The following KIF21A variants were observed in gnomAD, a reference collection of about 807,000 sequenced individuals.
The protein encoded by KIF21A is kinesin-like protein KIF21A.
In KIF21A, 114 loss-of-function variants were observed where a neutral mutation model predicts 202.9. The ratio of observed to expected loss-of-function variants is 0.56; its 90% CI spans 0.48 to 0.66. KIF21A has a LOEUF of 0.66. Ranked by LOEUF, KIF21A falls within the 30% of genes least tolerant of loss-of-function variation. The pLI is 0.00. For synonymous variants in KIF21A, 667 were observed against 670.8 expected (o/e 0.99, Z 0.09); for missense variants, 1,677 against 1,994.9 (o/e 0.84, Z 3.04).
At chr12:39,404,676 G>C (rs1952443261) in intron 1 of KIF21A, among the ~76,000 whole-genome samples, 1 of 152,110 alleles carries the variant, frequency 6.6e-6, no homozygotes, top group Non-Finnish European at 1.5e-5. Context: ...CATTATATAG[G>C]TAGCAATGTA....
chr12:39,344,600 G>A (rs1947733118), intron 12 of KIF21A, among the ~76,000 whole-genome samples: 1 of 152,112 alleles, frequency 6.6e-6, no homozygotes, highest in African/African-American at 2.4e-5. Flanking sequence ...CTGATATCCA[G>A]TTAAATGTTC....
chr12:39,295,125 G>A (rs1388516893), intron 37 of KIF21A, among the ~76,000 whole-genome samples: 1 of 152,112 alleles, frequency 6.6e-6, no homozygotes, highest in Non-Finnish European at 1.5e-5. Context: ...ATTGAGAAGT[G>A]AACTAATACT....
intron 1 of KIF21A, among the ~76,000 whole-genome samples, chr12:39,413,573 A>G (rs954327113): frequency 4.6e-5 from 7 of 152,194 alleles, no homozygotes; most frequent in Non-Finnish European, 2.9e-5. Flanking sequence ...CACTAATTCA[A>G]ATTACTTCAA....
chr12:39,390,381 A>G (rs964437843), intron 1 of KIF21A, among the ~76,000 whole-genome samples: 2 of 152,230 alleles, frequency 1.3e-5, no homozygotes, highest in Non-Finnish European at 2.9e-5. Context: ...ATTTATGCTA[A>G]TAAGAGGTGA....
chr12:39,309,920 C>A (rs1464727971), intron 32 of KIF21A, among the ~76,000 whole-genome samples, 154 bp from the exon 33 acceptor site: 3 of 151,926 alleles, frequency 2.0e-5, no homozygotes, highest in African/African-American at 4.8e-5. Context: ...CATCCTTGAC[C>A]CTCTGCAACA....
At chr12:39,324,033 C>T (rs1945578238) in intron 26 of KIF21A, among the ~76,000 whole-genome samples, 2 of 151,930 alleles carry the variant, frequency 1.3e-5, no homozygotes, top group South Asian at 4.2e-4. Flanking sequence ...TGGTGTGAAC[C>T]CGGAAGGCGG....
At chr12:39,367,770 T>A in intron 4 of KIF21A, 113 bp downstream of exon 4, 1 of 804,686 alleles carries the variant, frequency 1.2e-6, no homozygotes, top group African/African-American at 1.7e-5. Context: ...CTTAATTCCA[T>A]GTCATGCTTC....
chr12:39,397,055 A>G (rs1951809635), intron 1 of KIF21A, among the ~76,000 whole-genome samples: 1 of 152,226 alleles, frequency 6.6e-6, no homozygotes, highest in Non-Finnish European at 1.5e-5. Context: ...GAGACCGACT[A>G]TTTATTAGTA....
intron 11 of KIF21A, among the ~76,000 whole-genome samples, chr12:39,348,314 T>C (rs1948076451): frequency 6.6e-6 from 1 of 152,146 alleles, no homozygotes; most frequent in Non-Finnish European, 1.5e-5. Context: ...CTAACATTTG[T>C]GTAACTGAAA....
intron 12 of KIF21A, among the ~76,000 whole-genome samples, chr12:39,343,686 T>C (rs1218851590): frequency 6.6e-6 from 1 of 152,198 alleles, no homozygotes; most frequent in African/African-American, 2.4e-5. Context: ...TTTTCCCTTG[T>C]AAGGACTTTT....
chr12:39,417,682 T>C (rs1953882914), intron 1 of KIF21A, among the ~76,000 whole-genome samples: 1 of 152,190 alleles, frequency 6.6e-6, no homozygotes, highest in Admixed American at 6.5e-5. Context: ...GGAATGCTCA[T>C]ACTTCACTGG....
At chr12:39,324,437 A>G (rs1476131537) in intron 26 of KIF21A, among the ~76,000 whole-genome samples, 1 of 152,182 alleles carries the variant, frequency 6.6e-6, no homozygotes, top group Non-Finnish European at 1.5e-5. Flanking sequence ...TTAGGACTAG[A>G]TCCGAACCAT....
intron 1 of KIF21A, among the ~76,000 whole-genome samples, chr12:39,417,397 T>C (rs774021882): frequency 5.9e-5 from 9 of 152,188 alleles, no homozygotes; most frequent in Non-Finnish European, 1.3e-4. Flanking sequence ...CTGACAATTA[T>C]AGCTTTTAGA....
At position 39,424,934 on chromosome 12, in the gene KIF21A, C is replaced by T. The variant is rs1337216752; in HGVS notation, c.44+17993G>A. The stretch of plus-strand genomic sequence containing the variant: ...TAAAAGCGAAGTCTAAAATTTCCAC[C>T]CAGACCTATAAGGCCCTTAATGATC... On this transcript the variant is annotated intron_variant, in intron 1 of 37. Transcript: ENST00000361418. Among the ~76,000 whole-genome samples, 3 of 152,136 alleles carry T rather than the reference C, an allele frequency of 2.0e-5. 1 individual carries two copies. Among genetic ancestry groups the T allele is most frequent in the Non-Finnish European group, 4.4e-5 (3 of 68,034 alleles).
intron 10 of KIF21A, chr12:39,356,492 C>T: frequency 4.9e-6 from 1 of 203,236 alleles, no homozygotes; most frequent in Admixed American, 5.7e-5. Flanking sequence ...TTGATCTATT[C>T]CCAACTGATG....
chr12:39,393,508 A>G (rs1407814858), intron 1 of KIF21A, among the ~76,000 whole-genome samples: 2 of 152,128 alleles, frequency 1.3e-5, no homozygotes, highest in African/African-American at 4.8e-5. Flanking sequence ...TCGCAACTCC[A>G]TTATGTGTCA....
In KIF21A at chr12:39,367,079, A is replaced by G; in HGVS notation, c.686T>C (p.Ile229Thr). 1.2e-6 allele frequency: 2 copies of G among 1,613,670 alleles called. No individual in the cohort carries two copies. The highest frequency in any genetic ancestry group is 1.7e-6 in the Non-Finnish European group (2 of 1,179,580). Residue 229 changes from isoleucine to threonine, a missense_variant, in exon 5 of 38, where the codon ATT (isoleucine) becomes ACT (threonine). Ile to Thr is a moderately conservative substitution (Grantham distance 89). Coordinates refer to ENST00000361418, the MANE Select transcript of KIF21A (RefSeq NM_001173464.2). ...MNVQSSRSHA[I>T]FTIHVCQTRV... ...GGTTTGACACACATGAATGGTAAAA[A>G]TGGCATGTGAACGAGAGCTCTGAAC...
chr12:39,434,453 A>T (rs1327906380), intron 1 of KIF21A, among the ~76,000 whole-genome samples: 1 of 152,230 alleles, frequency 6.6e-6, no homozygotes, highest in East Asian at 1.9e-4. Flanking sequence ...TACCAACTTT[A>T]TCTAATAATA....
rs3036323 is a variant in KIF21A, at chr12:39,387,161, TACACACACACACACACACAC to T, written c.45-16920_45-16901del. Among the ~76,000 whole-genome samples, 6 of 138,240 alleles carry T rather than the reference TACACACACACACACACACAC, an allele frequency of 4.3e-5. No homozygotes were observed. The East Asian group carries it at 6.5e-4, about 15-fold the overall frequency. 90.7% of individuals were successfully genotyped at this position (138,240 alleles called of 152,430 possible). A position where few individuals can be genotyped will look rare whatever the true frequency, so the allele number is the denominator to read the frequency against. ...TGAGTTTTTGAAAGCATGCAGTAGTTACACACACACACACACACACACACACACACACACACACACACAAG... is the reference window on the plus strand; with the variant it reads ...TGAGTTTTTGAAAGCATGCAGTAGTTACACACACACACACACACACACAAG... On this transcript the variant is annotated intron_variant, in intron 1 of 37. Coordinates refer to ENST00000361418, the MANE Select transcript of KIF21A (RefSeq NM_001173464.2).
Sources: gnomAD v4.1 joint callset for allele counts (sites outside exome capture counted in the v4.1 genomes callset) on GRCh38, gnomAD v4.1.1 for gene constraint, MANE v1.5 for transcripts, NCBI Gene and HGNC (gene_info 2026-07-23, HGNC 2026-07-21) for gene names.